RASAL2: variants seen among roughly 807,000 people sequenced by gnomAD.
The protein encoded by RASAL2 is RAS protein activator like 2, also known as ras GTPase-activating protein nGAP.
Under a neutral mutation model 128.9 loss-of-function variants are expected in RASAL2, and 58 were observed. The ratio of observed to expected loss-of-function variants is 0.45; its 90% CI spans 0.36 to 0.56. The LOEUF is 0.56. Among genes scored for constraint, RASAL2 ranks in the 20% least tolerant of loss-of-function variants. The probability of loss-of-function intolerance (pLI) is 0.00; values close to 1 mark genes in which losing one functional copy is unlikely to be tolerated. For synonymous variants in RASAL2, 561 were observed against 580.8 expected, an observed-to-expected ratio of 0.97 and a Z score of 0.49; for missense variants, 1,360 against 1,601.6, an observed-to-expected ratio of 0.85 and a Z score of 2.57.
chr1:178,246,694 G>T (rs558680855), intron 1 of RASAL2, among the ~76,000 whole-genome samples: 146 of 152,176 alleles, frequency 9.6e-4, no homozygotes, highest in African/African-American at 3.5e-3. Context: ...TATGATATTG[G>T]CTGTGGGTTT....
At chr1:178,415,340 A>G (rs970174944) in intron 4 of RASAL2, among the ~76,000 whole-genome samples, 1 of 151,934 alleles carries the variant, frequency 6.6e-6, no homozygotes. Context: ...TGTTGTTCAG[A>G]AGTATGTTGT....
chr1:178,394,194 A>G (rs1405306820), intron 4 of RASAL2, among the ~76,000 whole-genome samples: 1 of 152,198 alleles, frequency 6.6e-6, no homozygotes, highest in Non-Finnish European at 1.5e-5. Flanking sequence ...TAAATTCACA[A>G]TGTTTTTGCA....
In RASAL2 at chr1:178,149,347, A is replaced by G. The variant is rs556113824; in HGVS notation, c.202+54653A>G. Reference sequence around the variant, plus strand: ...CCAAAATCTGATTAAGTAAAACATAACAAAGGTAGATTTATTTTTCATTTC... The same window carrying G: ...CCAAAATCTGATTAAGTAAAACATAGCAAAGGTAGATTTATTTTTCATTTC... On this transcript the variant is annotated intron_variant, in intron 1 of 17. Transcript: ENST00000367649. Among the ~76,000 whole-genome samples the G allele has an allele frequency of 1.4e-4, 22 of 152,310 alleles. No homozygotes were observed. The South Asian group carries it at 4.4e-3, about 30-fold the overall frequency.
At chr1:178,171,755 TC>T (rs1194317422) in intron 1 of RASAL2, among the ~76,000 whole-genome samples, 1 of 151,904 alleles carries the variant, frequency 6.6e-6, no homozygotes, top group Non-Finnish European at 1.5e-5. Context: ...GTAGTAACCT[TC>T]CCAAATTTTC....
intron 4 of RASAL2, among the ~76,000 whole-genome samples, chr1:178,409,176 C>G (rs1209722200): frequency 1.3e-5 from 2 of 152,150 alleles, no homozygotes; most frequent in African/African-American, 2.4e-5. Context: ...CTATGCTGTT[C>G]TCATGATAGT....
chr1:178,195,020 T>G (rs1450888863), intron 1 of RASAL2, among the ~76,000 whole-genome samples: 1 of 152,254 alleles, frequency 6.6e-6, no homozygotes, highest in Non-Finnish European at 1.5e-5. Flanking sequence ...TATCTAATTT[T>G]TGCTTTCCTC....
intron 3 of RASAL2, among the ~76,000 whole-genome samples, chr1:178,361,569 C>G (rs1671108812): frequency 6.6e-6 from 1 of 151,834 alleles, no homozygotes; most frequent in Admixed American, 6.6e-5. Flanking sequence ...CAAAAATATT[C>G]TTAAAAAAAT....
chr1:178,393,950 C>A (rs1280802018), intron 4 of RASAL2, among the ~76,000 whole-genome samples: 1 of 152,144 alleles, frequency 6.6e-6, no homozygotes, highest in African/African-American at 2.4e-5. Flanking sequence ...TATGTAATTA[C>A]ATTTAATAAA....
intron 5 of RASAL2, among the ~76,000 whole-genome samples, chr1:178,431,402 T>TA (rs946901779): frequency 1.3e-5 from 2 of 152,102 alleles, no homozygotes; most frequent in African/African-American, 4.8e-5. Context: ...TACCATTTTT[T>TA]ACCAATTAAA....
At chr1:178,189,095 G>A (rs1177682619) in intron 1 of RASAL2, among the ~76,000 whole-genome samples, 1 of 152,080 alleles carries the variant, frequency 6.6e-6, no homozygotes, top group Non-Finnish European at 1.5e-5. Context: ...GATACCAGCT[G>A]CATCATTATC....
chr1:178,254,766 A>G (rs1354546418), intron 1 of RASAL2, among the ~76,000 whole-genome samples: 1 of 152,224 alleles, frequency 6.6e-6, no homozygotes, highest in Non-Finnish European at 1.5e-5. Context: ...AAGAAACAGT[A>G]GCAGAGAACT....
intron 2 of RASAL2, 119 bp downstream of exon 2, chr1:178,283,810 A>G: frequency 8.0e-7 from 1 of 1,251,378 alleles, no homozygotes; most frequent in Non-Finnish European, 1.1e-6. Flanking sequence ...TGATGAAGAT[A>G]TAGGTAAGTC....
At chr1:178,288,710 G>A (rs2102232263) in intron 2 of RASAL2, among the ~76,000 whole-genome samples, 1 of 135,092 alleles carries the variant, frequency 7.4e-6, no homozygotes, top group East Asian at 2.2e-4. Flanking sequence ...GAGTGCAATG[G>A]TGCAATCTCA....
intron 2 of RASAL2, among the ~76,000 whole-genome samples, chr1:178,296,085 G>GTGTGTGTATATATATGTGTATATA (rs1667488897): frequency 6.6e-6 from 1 of 151,436 alleles, no homozygotes. Flanking sequence ...GTGTATATAT[G>GTGTGTGTATATATATGTGTATATA]TGTGTGTATA....
intron 3 of RASAL2, among the ~76,000 whole-genome samples, chr1:178,379,963 C>T (rs1672191518): frequency 6.6e-6 from 1 of 152,334 alleles, no homozygotes; most frequent in African/African-American, 2.4e-5. Context: ...CCTGCCTCTT[C>T]CACCTCAGCG....
chr1:178,372,269 C>T (rs1454178580), intron 3 of RASAL2: 14 of 985,066 alleles, frequency 1.4e-5, no homozygotes, highest in Middle Eastern at 1.0e-3. Context: ...GGTGATGTGG[C>T]GGAGTGGTTG....
chr1:178,287,943 G>A (rs991536073), intron 2 of RASAL2, among the ~76,000 whole-genome samples: 1 of 152,038 alleles, frequency 6.6e-6, no homozygotes, highest in Non-Finnish European at 1.5e-5. Context: ...ACTTATCCAT[G>A]TAACCAAACA....
intron 3 of RASAL2, among the ~76,000 whole-genome samples, chr1:178,344,691 A>G (rs1670056939): frequency 6.6e-6 from 1 of 152,222 alleles, no homozygotes; most frequent in Admixed American, 6.5e-5. Context: ...GAGAAGGAGA[A>G]GGAGGTGACT....
At chr1:178,239,587 AG>A (rs1664402253) in intron 1 of RASAL2, among the ~76,000 whole-genome samples, 1 of 152,076 alleles carries the variant, frequency 6.6e-6, no homozygotes, top group Admixed American at 6.5e-5. Context: ...GTTTCCAAGT[AG>A]TAGTGTGGTA....
Sources: allele counts gnomAD v4.1 joint callset (sites outside exome capture counted in the v4.1 genomes callset), GRCh38; gene constraint gnomAD v4.1.1; transcripts MANE v1.5; gene names NCBI Gene and HGNC (gene_info 2026-07-23, HGNC 2026-07-21).